ILRUN: variants seen among roughly 807,000 people sequenced by gnomAD.
The protein encoded by ILRUN is protein ILRUN.
Under a neutral mutation model 33.8 loss-of-function variants are expected in ILRUN, and 3 were observed. The ratio of observed to expected loss-of-function variants is 0.09; its 90% CI spans 0.04 to 0.23. The LOEUF (loss-of-function observed/expected upper bound fraction) is 0.23, where lower values mean the gene tolerates loss of function less well. Among genes scored for constraint, ILRUN ranks in the 10% least tolerant of loss-of-function variants. The pLI, the probability that ILRUN is intolerant of heterozygous loss-of-function variation, is 1.00. For missense variants in ILRUN, 210 were observed against 375.1 expected (o/e 0.56, Z 3.64); for synonymous variants, 124 against 138.9 (o/e 0.89, Z 0.75).
chr6:34,624,843 T>C (rs1011001537), intron 3 of ILRUN, among the ~76,000 whole-genome samples: 1 of 152,190 alleles, frequency 6.6e-6, no homozygotes, highest in Non-Finnish European at 1.5e-5. Flanking sequence ...TAAAACATCA[T>C]TACTGATGGT....
At chr6:34,642,175 TG>T (rs1176475877) in intron 3 of ILRUN, among the ~76,000 whole-genome samples, 1 of 152,218 alleles carries the variant, frequency 6.6e-6, no homozygotes, top group Non-Finnish European at 1.5e-5. Flanking sequence ...ATGGATAACC[TG>T]TTTTAAGAAG....
chr6:34,613,116 C>T (rs1032131483), intron 3 of ILRUN, among the ~76,000 whole-genome samples: 4 of 151,698 alleles, frequency 2.6e-5, no homozygotes, highest in Non-Finnish European at 5.9e-5. Flanking sequence ...CATGCTGAGG[C>T]ATGAGAATCA....
chr6:34,645,807 G>A (rs1194715122), intron 3 of ILRUN, among the ~76,000 whole-genome samples: 3 of 152,194 alleles, frequency 2.0e-5, no homozygotes, highest in Non-Finnish European at 4.4e-5. Context: ...GGCGACAGCT[G>A]AAGCCGCATG....
intron 3 of ILRUN, among the ~76,000 whole-genome samples, chr6:34,611,750 C>T (rs1265713545): frequency 6.6e-6 from 1 of 152,134 alleles, no homozygotes; most frequent in East Asian, 1.9e-4. Context: ...GCTTCGTTTT[C>T]TAGATTTAAA....
chr6:34,608,252 G>A (rs1478305483), intron 3 of ILRUN, among the ~76,000 whole-genome samples: 1 of 151,888 alleles, frequency 6.6e-6, no homozygotes, highest in Non-Finnish European at 1.5e-5. Flanking sequence ...AAACTAGCTG[G>A]GCATAGTGGC....
intron 1 of ILRUN, among the ~76,000 whole-genome samples, chr6:34,661,958 T>C (rs1358531118): frequency 6.6e-6 from 1 of 151,788 alleles, no homozygotes; most frequent in African/African-American, 2.4e-5. Context: ...ACCCCGTCTC[T>C]ACTAAAAATG....
In ILRUN at chr6:34,589,551, G is replaced by A. The variant is rs1035250146; in HGVS notation, c.*1014C>T. On this transcript the variant is annotated 3_prime_UTR_variant, in exon 5 of 5. Transcript: ENST00000374023. ...GTTGTGTGACAACAGAGAAGCATGG[G>A]CCACCTTCAAGCTTGCCTACTGCAC... 7 of 152,278 alleles carry A rather than the reference G, an allele frequency of 4.6e-5. No individual in the cohort carries two copies. The highest frequency in any genetic ancestry group is 8.8e-5 in the Non-Finnish European group (6 of 68,078). The allele number at this position is 152,278 out of a possible 1,614,324, so 9.4% of individuals were successfully genotyped here.
chr6:34,626,401 C>A (rs1762131229), intron 3 of ILRUN, among the ~76,000 whole-genome samples: 1 of 151,940 alleles, frequency 6.6e-6, no homozygotes, highest in Non-Finnish European at 1.5e-5. Context: ...GTCTCAAACT[C>A]CTAGGCCTCA....
chr6:34,683,516 A>ATG (rs1491521733), intron 1 of ILRUN, among the ~76,000 whole-genome samples: 1 of 54,636 alleles, frequency 1.8e-5, no homozygotes, highest in Non-Finnish European at 3.3e-5. Context: ...ATATATATAC[A>ATG]TATATATATA....
intron 3 of ILRUN, chr6:34,616,431 G>C: frequency 1.7e-6 from 1 of 575,288 alleles, no homozygotes; most frequent in South Asian, 2.3e-5. Flanking sequence ...AGAAAAGCTG[G>C]GTGTGTACTG....
intron 1 of ILRUN, among the ~76,000 whole-genome samples, chr6:34,661,985 C>T (rs550184097): frequency 6.6e-6 from 1 of 152,018 alleles, no homozygotes; most frequent in South Asian, 2.1e-4. Flanking sequence ...ATTAGCCGGG[C>T]GTGGTGGCGG....
rs991493117 is a variant in ILRUN, at chr6:34,646,487, T to C, written c.511+114A>G. Reference sequence around the variant, plus strand: ...TCATTTACCTGCATGAGGTGACTGTTAAAAAGAGGCCATGCCCTGTTATGC... The same window carrying C: ...TCATTTACCTGCATGAGGTGACTGTCAAAAAGAGGCCATGCCCTGTTATGC... On this transcript the variant is annotated intron_variant, in intron 3 of 4. Coordinates refer to ENST00000374023, the MANE Select transcript of ILRUN (RefSeq NM_024294.4). This position sits in a 1 kb window ranked among gnomAD's most constrained non-coding sequence, Gnocchi z 4.9. The C allele has an allele frequency of 7.5e-6, 7 of 930,376 alleles. No homozygotes were observed. The highest frequency in any genetic ancestry group is 1.1e-5 in the Non-Finnish European group (7 of 615,036). The allele number at this position is 930,376 out of a possible 1,614,324, so 57.6% of individuals were successfully genotyped here. A position where few individuals can be genotyped will look rare whatever the true frequency, so the allele number is the denominator to read the frequency against.
intron 3 of ILRUN, among the ~76,000 whole-genome samples, chr6:34,612,936 A>G (rs772193123): frequency 4.5e-4 from 68 of 152,214 alleles, no homozygotes; most frequent in Middle Eastern, 3.4e-3. Flanking sequence ...CCAGCTACTC[A>G]GGAGGCTGAG....
intron 1 of ILRUN, among the ~76,000 whole-genome samples, chr6:34,667,032 G>A (rs568907216): frequency 6.7e-4 from 102 of 151,660 alleles, no homozygotes; most frequent in African/African-American, 2.2e-3. Context: ...AAAGCCACTC[G>A]AATATACATG....
chr6:34,631,785 T>C (rs1468485334), intron 3 of ILRUN, among the ~76,000 whole-genome samples: 1 of 152,150 alleles, frequency 6.6e-6, no homozygotes, highest in Non-Finnish European at 1.5e-5. Context: ...AGGTTTCCTT[T>C]TGGGGTTATA....
intron 3 of ILRUN, among the ~76,000 whole-genome samples, chr6:34,613,714 T>C (rs891889212): frequency 1.3e-4 from 20 of 152,218 alleles, no homozygotes; most frequent in Admixed American, 6.5e-5. Flanking sequence ...TTCCTGGTTA[T>C]AATAGATGAA....
chr6:34,614,064 G>C (rs1349326756), intron 3 of ILRUN, among the ~76,000 whole-genome samples: 1 of 152,142 alleles, frequency 6.6e-6, no homozygotes, highest in Non-Finnish European at 1.5e-5. Context: ...GCCAAAGCTG[G>C]AACAATTCGA....
At chr6:34,635,951 A>G (rs537052446) in intron 3 of ILRUN, among the ~76,000 whole-genome samples, 1 of 152,272 alleles carries the variant, frequency 6.6e-6, no homozygotes, top group African/African-American at 2.4e-5. Context: ...CTGGAAGGGC[A>G]TTAGTTACTA....
intron 1 of ILRUN, among the ~76,000 whole-genome samples, chr6:34,690,189 G>A (rs1280145203): frequency 6.6e-6 from 1 of 152,110 alleles, no homozygotes; most frequent in Non-Finnish European, 1.5e-5. Context: ...GGCCGGGCAT[G>A]GTGGCTCACA....
Sources: gnomAD v4.1 joint callset for allele counts (sites outside exome capture counted in the v4.1 genomes callset) on GRCh38, gnomAD v4.1.1 for gene constraint, Gnocchi (gnomAD v3.1) non-coding constraint, MANE v1.5 for transcripts, NCBI Gene and HGNC (gene_info 2026-07-23, HGNC 2026-07-21) for gene names.